Variants in PHACTR1 observed in about 807,000 individuals in gnomAD.
The protein encoded by PHACTR1 is RPEL repeat containing 1.
Under a neutral mutation model 69.2 loss-of-function variants are expected in PHACTR1, and 16 were observed. The ratio of observed to expected loss-of-function variants is 0.23; its 90% CI spans 0.16 to 0.35. The LOEUF (loss-of-function observed/expected upper bound fraction) is 0.35, where lower values mean the gene tolerates loss of function less well. PHACTR1 is among the 10% of genes least tolerant of loss of function. PHACTR1 has a pLI of 1.00. For missense variants in PHACTR1, 510 were observed against 734.7 expected (o/e 0.69, Z 3.54); for synonymous variants, 312 against 284.5 (o/e 1.10, Z -0.97).
At chr6:12,949,818 C>A (rs189407459) in intron 4 of PHACTR1, among the ~76,000 whole-genome samples, 299 of 152,142 alleles carry the variant, frequency 2.0e-3, no homozygotes, top group African/African-American at 6.7e-3. Flanking sequence ...TTTTCTCATA[C>A]CACTACACAC....
chr6:13,064,547 G>GATATATATATATAT (rs1195089569), intron 5 of PHACTR1, among the ~76,000 whole-genome samples: 1 of 70,220 alleles, frequency 1.4e-5, no homozygotes, highest in Admixed American at 2.0e-4. Context: ...GAAGGGAAAA[G>GATATATATATATAT]ATATATATAT....
rs1390582747 is a variant in PHACTR1 at position 12,733,158 on chromosome 6, C to CAGATATTTGT, written c.103+14312_103+14313insGATATTTGTA. ...TATTATGCATCACCAGCAAATGCCC[C>CAGATATTTGT]AATGTTTCATTTAACAGGATATTTG... On this transcript the variant is annotated intron_variant, in intron 3 of 14. Transcript: ENST00000332995. 4.8e-3 allele frequency among the ~76,000 whole-genome samples: 725 copies of CAGATATTTGT among 152,240 alleles called. 8 individuals carry two copies. Among genetic ancestry groups the CAGATATTTGT allele is most frequent in the African/African-American group, 0.017 (689 of 41,530 alleles).
intron 4 of PHACTR1, among the ~76,000 whole-genome samples, chr6:12,814,453 C>T (rs898172493): frequency 6.6e-6 from 1 of 152,210 alleles, no homozygotes; most frequent in African/African-American, 2.4e-5. Flanking sequence ...AGTCATTTGG[C>T]AAAGGCCACA....
At position 13,053,450 on chromosome 6, in the gene PHACTR1, G is replaced by A. The variant is rs774700297; in HGVS notation, c.336G>A (p.Lys112=). 6.2e-7 allele frequency: 1 copy of A among 1,613,924 alleles called. No homozygotes were observed. Among genetic ancestry groups the A allele is most frequent in the Non-Finnish European group, 8.5e-7 (1 of 1,179,856 alleles). Residue 112 remains lysine, a synonymous_variant, in exon 5 of 15, where the codon AAG becomes AAA. Coordinates refer to ENST00000332995, the MANE Select transcript of PHACTR1 (RefSeq NM_030948.6). ...CCCCACCCATCCGCAGGAGAAGTAA[G>A]TTTGCCAACCTGGGAAGGATTTTCA... The part of the protein sequence containing the change: ...THTPPIRRRS[K]FANLGRIFKP...
rs139764134 is a variant in PHACTR1, at chr6:12,844,318, G to A, written c.250+94528G>A. ...AGGCTGAAGCAGGAGAACCCCTTGA[G>A]CCCAGGAAGTTGAGACTGCAATGAG... On this transcript the variant is annotated intron_variant, in intron 4 of 14. Transcript: ENST00000332995. Among the ~76,000 whole-genome samples the A allele has an allele frequency of 6.8e-3, 1,032 of 152,108 alleles. 17 individuals carry two copies. The highest frequency in any genetic ancestry group is 0.024 in the African/African-American group (984 of 41,482).
intron 4 of PHACTR1, among the ~76,000 whole-genome samples, chr6:12,973,697 G>C (rs748483093): frequency 1.4e-4 from 22 of 152,106 alleles, no homozygotes; most frequent in Non-Finnish European, 2.6e-4. Context: ...GCTGTAAATT[G>C]TCAATGTCAA....
intron 4 of PHACTR1, among the ~76,000 whole-genome samples, chr6:12,948,785 A>G (rs1790948791): frequency 6.6e-6 from 1 of 152,190 alleles, no homozygotes; most frequent in Non-Finnish European, 1.5e-5. Context: ...GCACTTACTC[A>G]AAGTTGCTCT....
At chr6:12,953,942 T>C (rs767259486) in intron 4 of PHACTR1, among the ~76,000 whole-genome samples, 3 of 152,190 alleles carry the variant, frequency 2.0e-5, no homozygotes, top group Non-Finnish European at 2.9e-5. Flanking sequence ...TAGCATATTA[T>C]AAGATTATAG....
At chr6:13,102,219 C>T (rs960565803) in intron 5 of PHACTR1, among the ~76,000 whole-genome samples, 12 of 152,172 alleles carry the variant, frequency 7.9e-5, no homozygotes, top group African/African-American at 2.2e-4. Flanking sequence ...ATGGAAGGAA[C>T]TATTGATTGG....
At chr6:13,006,512 G>A (rs1437885853) in intron 4 of PHACTR1, among the ~76,000 whole-genome samples, 3 of 151,960 alleles carry the variant, frequency 2.0e-5, no homozygotes, top group Non-Finnish European at 2.9e-5. Flanking sequence ...TACAAAAAAT[G>A]GAAATACTGC....
intron 4 of PHACTR1, among the ~76,000 whole-genome samples, chr6:12,962,448 T>C (rs1465432812): frequency 6.6e-6 from 1 of 152,164 alleles, no homozygotes; most frequent in Non-Finnish European, 1.5e-5. Context: ...AATGCATTCT[T>C]CTTGTTTTAG....
intron 4 of PHACTR1, among the ~76,000 whole-genome samples, chr6:12,983,389 G>A (rs528414456): frequency 6.6e-6 from 1 of 152,182 alleles, no homozygotes; most frequent in Admixed American, 6.5e-5. Context: ...ACATGGAGAA[G>A]TAGAGGGCGG....
At chr6:13,278,369 G>C in intron 12 of PHACTR1, 40 bp downstream of exon 12, 4 of 1,554,640 alleles carry the variant, frequency 2.6e-6, no homozygotes, top group Non-Finnish European at 3.5e-6. Flanking sequence ...ACAGGAGAGG[G>C]TGGGCTGCCT....
chr6:12,984,928 C>G (rs1795956422), intron 4 of PHACTR1, among the ~76,000 whole-genome samples: 1 of 152,174 alleles, frequency 6.6e-6, no homozygotes, highest in South Asian at 2.1e-4. Flanking sequence ...CTGAGCAAGA[C>G]CAAATGACTA....
At chr6:13,212,414 T>C (rs567522948) in intron 8 of PHACTR1, among the ~76,000 whole-genome samples, 1 of 152,320 alleles carries the variant, frequency 6.6e-6, no homozygotes, top group East Asian at 1.9e-4. Context: ...CAAGACATTA[T>C]TAAAATACCA....
intron 4 of PHACTR1, among the ~76,000 whole-genome samples, chr6:12,866,451 A>T (rs1238592040): frequency 6.6e-6 from 1 of 151,928 alleles, no homozygotes; most frequent in Non-Finnish European, 1.5e-5. Context: ...AAATTCTCTC[A>T]TCCATTTCTC....
intron 4 of PHACTR1, among the ~76,000 whole-genome samples, chr6:12,770,603 C>T (rs555397992): frequency 1.1e-4 from 17 of 152,146 alleles, no homozygotes; most frequent in Non-Finnish European, 2.1e-4. Flanking sequence ...GCATTTAAGT[C>T]CCCCTGGTTC....
At chr6:12,945,944 C>T (rs1422964023) in intron 4 of PHACTR1, among the ~76,000 whole-genome samples, 2 of 150,346 alleles carry the variant, frequency 1.3e-5, no homozygotes, top group African/African-American at 4.9e-5. Flanking sequence ...GCCTGGGTAA[C>T]AGAGCAAGAC....
chr6:12,928,629 A>G (rs1320484629), intron 4 of PHACTR1, among the ~76,000 whole-genome samples: 2 of 41,710 alleles, frequency 4.8e-5, no homozygotes, highest in Admixed American at 3.4e-4. Flanking sequence ...CCATCCATCC[A>G]TCCATCCATC....
Sources: gnomAD v4.1 joint callset for allele counts (sites outside exome capture counted in the v4.1 genomes callset) on GRCh38, gnomAD v4.1.1 for gene constraint, MANE v1.5 for transcripts, NCBI Gene and HGNC (gene_info 2026-07-23, HGNC 2026-07-21) for gene names.